The following SYNE2 variants were observed in gnomAD, a reference collection of about 807,000 sequenced individuals.
The protein encoded by SYNE2 is nesprin-2.
SYNE2 carries 431 observed loss-of-function variants against 856.3 expected under a neutral mutation model. The observed-to-expected ratio is 0.50, with a 90% confidence interval of 0.47 to 0.55. The LOEUF (loss-of-function observed/expected upper bound fraction) is 0.55, where lower values mean the gene tolerates loss of function less well. SYNE2 is among the 20% of genes least tolerant of loss of function. SYNE2 has a pLI of 0.00. For missense variants in SYNE2, 8,129 were observed against 8,023.2 expected (o/e 1.01, Z -0.50); for synonymous variants, 2,923 against 2,872.3 (o/e 1.02, Z -0.56).
At chr14:64,045,642 A>G (rs929939914) in intron 45 of SYNE2, among the ~76,000 whole-genome samples, 2 of 151,348 alleles carry the variant, frequency 1.3e-5, no homozygotes, top group African/African-American at 4.9e-5. Context: ...TTTTCGCCAC[A>G]GTGTGCCTGA....
chr14:63,940,560 A>G (rs1213102409), intron 2 of SYNE2, 54 bp from the exon 3 acceptor site: 4 of 1,523,698 alleles, frequency 2.6e-6, no homozygotes, highest in Admixed American at 1.7e-5. Context: ...TGATATGTGC[A>G]GGAGGTTTCT....
In SYNE2 at chr14:64,029,921, C is replaced by T. The variant is rs759726898; in HGVS notation, c.6741C>T (p.His2247=). The change falls in exon 44 of 116, where the codon CAC becomes CAT. Residue 2247 remains histidine, a synonymous_variant. Transcript: ENST00000555002. ...ATTCTGTGCAAAACTTGGACGGTCA[C>T]GTTCGAGAACATGATTCATACCAGG... ...LQDSVQNLDG[H]VREHDSYQVC... 10 of 1,613,834 alleles carry T rather than the reference C, an allele frequency of 6.2e-6. No individual in the cohort carries two copies. The highest frequency in any genetic ancestry group is 3.3e-5 in the Admixed American group (2 of 59,984).
rs1320976371 is a variant in SYNE2, at chr14:64,003,268, T to A, written c.4335T>A (p.Asp1445Glu). The change falls in exon 30 of 116, where the codon GAT becomes GAA. Residue 1445 changes from aspartate to glutamate, a missense_variant. Asp to Glu is a conservative substitution (Grantham distance 45). Around this residue, in one of 3 missense-constraint regions of SYNE2, gnomAD observed 2,422 missense variants for 2,357.4 expected, o/e 1.03. Transcript: ENST00000555002. ...ATGAACTCCTTAAAAATATTCAAGA[T>A]GTGCAGAGTCAAATCAGTAAAATTG... Reference protein sequence around the residue: ...KNNELLKNIQDVQSQISKIGL... With the variant: ...KNNELLKNIQEVQSQISKIGL... 1 of 1,613,892 alleles carries A rather than the reference T, an allele frequency of 6.2e-7. No homozygotes were observed. Among genetic ancestry groups the A allele is most frequent in the African/African-American group, 1.3e-5 (1 of 74,902 alleles).
chr14:64,054,993 A>G (rs2097257833), intron 48 of SYNE2, among the ~76,000 whole-genome samples: 1 of 152,228 alleles, frequency 6.6e-6, no homozygotes, highest in African/African-American at 2.4e-5. Context: ...ATTTTAATAC[A>G]GTTTCAGGAA....
chr14:64,158,562 T>A, intron 85 of SYNE2, 63 bp from the exon 86 acceptor site: 1 of 1,555,028 alleles, frequency 6.4e-7, no homozygotes, highest in Non-Finnish European at 8.9e-7. Context: ...CAATGGTAGA[T>A]CTGTTGGAGA....
rs551602725 is a variant in SYNE2 at position 64,058,724 on chromosome 14, G to A, written c.10067+2458G>A. 1.5e-4 allele frequency among the ~76,000 whole-genome samples: 23 copies of A among 152,124 alleles called. No homozygotes were observed. In the South Asian group the frequency reaches 2.1e-3, roughly 14 times the overall value. On this transcript the variant is annotated intron_variant, in intron 49 of 115. Coordinates refer to ENST00000555002, the MANE Select transcript of SYNE2 (RefSeq NM_182914.3). ...TCGAATTCCTGACCTCAAGTAATCCGCCCTCCTCTGCCACCCAAAGTGTTG... is the reference window on the plus strand; with the variant it reads ...TCGAATTCCTGACCTCAAGTAATCCACCCTCCTCTGCCACCCAAAGTGTTG...
chr14:63,845,416 CAAA>C (rs34474637), intron 1 of SYNE2, among the ~76,000 whole-genome samples: 3 of 113,298 alleles, frequency 2.6e-5, no homozygotes, highest in East Asian at 2.5e-4. Context: ...AACTCTGTCT[CAAA>C]AAAAAAAAAA....
Position 64,152,571 on chromosome 14 carries a change from A to C in SYNE2, c.15647A>C (p.Glu5216Ala). The C allele has an allele frequency of 2.5e-6, 4 of 1,614,074 alleles. No individual in the cohort carries two copies. Among genetic ancestry groups the C allele is most frequent in the Non-Finnish European group, 3.4e-6 (4 of 1,179,962 alleles). ...QKLLLDCQDIENQLAIKSKAL... is the reference protein window; with the variant it reads ...QKLLLDCQDIANQLAIKSKAL... ...TTCCTCTTACTCTTCCAGGATATAG[A>C]AAATCAACTTGCAATTAAATCCAAA... The change falls in exon 85 of 116, where the codon GAA (glutamate) becomes GCA (alanine). Residue 5216 changes from glutamate (E) to alanine (A), a missense_variant. Physicochemically the swap from Glu to Ala is moderately radical, Grantham distance 107. This residue lies in a region of SYNE2 where 5,410 missense variants were observed against 5,284.8 expected (regional missense o/e 1.02). Coordinates refer to ENST00000555002, the MANE Select transcript of SYNE2 (RefSeq NM_182914.3).
intron 30 of SYNE2, among the ~76,000 whole-genome samples, chr14:64,004,797 C>G (rs1482870998): frequency 6.6e-6 from 1 of 152,178 alleles, no homozygotes; most frequent in Non-Finnish European, 1.5e-5. Flanking sequence ...ATGATACTTT[C>G]ATTCTTAGGG....
chr14:64,186,664 T>G, intron 97 of SYNE2, 85 bp downstream of exon 97: 1 of 1,589,444 alleles, frequency 6.3e-7, no homozygotes, highest in East Asian at 2.2e-5. Flanking sequence ...AGGAGCTTAA[T>G]TTCATTGAAC....
intron 10 of SYNE2, among the ~76,000 whole-genome samples, chr14:63,964,743 C>T (rs1236254012): frequency 1.3e-5 from 2 of 151,714 alleles, no homozygotes; most frequent in Non-Finnish European, 2.9e-5. Flanking sequence ...AGGCTGGTCT[C>T]GAACTCCTGA....
chr14:63,999,049 CA>C lies in SYNE2; in HGVS notation c.3480+14del. 1 of 1,612,054 alleles carries C rather than the reference CA, an allele frequency of 6.2e-7. No homozygotes were observed. Among genetic ancestry groups the C allele is most frequent in the South Asian group, 1.1e-5 (1 of 91,004 alleles). On this transcript the variant is annotated intron_variant, in intron 27 of 115. Transcript: ENST00000555002. ...AACTGACAGATCTACAGGTAATTAC[CA>C]AAAATATTATTTCTCTGATTATCTT...
chr14:64,154,541 C>T (rs894852388), intron 85 of SYNE2, among the ~76,000 whole-genome samples: 3 of 151,918 alleles, frequency 2.0e-5, no homozygotes, highest in African/African-American at 4.8e-5. Flanking sequence ...GCCTGTAATC[C>T]CAGCACTTTG....
intron 78 of SYNE2, among the ~76,000 whole-genome samples, chr14:64,134,425 C>T (rs939741999): frequency 7.9e-5 from 12 of 152,242 alleles, no homozygotes; most frequent in Admixed American, 5.2e-4. Context: ...GTCGTGGCTC[C>T]ATCACTTATC....
chr14:63,984,378 C>G (rs1028659449), intron 18 of SYNE2, among the ~76,000 whole-genome samples: 9 of 152,180 alleles, frequency 5.9e-5, no homozygotes, highest in African/African-American at 2.2e-4. Context: ...GAAAGTCTTA[C>G]TTATTACACT....
chr14:64,035,173 G>A (rs1315765882), intron 45 of SYNE2, among the ~76,000 whole-genome samples: 1 of 151,798 alleles, frequency 6.6e-6, no homozygotes, highest in African/African-American at 2.4e-5. Context: ...GTTTAAGAAG[G>A]CATTTGTAGA....
At chr14:64,069,606 A>G (rs2097387282) in intron 51 of SYNE2, among the ~76,000 whole-genome samples, 1 of 152,208 alleles carries the variant, frequency 6.6e-6, no homozygotes, top group Admixed American at 6.5e-5. Context: ...CAAGGATAGC[A>G]TATACTGCCT....
intron 9 of SYNE2, among the ~76,000 whole-genome samples, chr14:63,963,196 T>C (rs2096344888): frequency 6.6e-6 from 1 of 152,186 alleles, no homozygotes; most frequent in African/African-American, 2.4e-5. Context: ...GGTTCACTTA[T>C]TTCTGGCCTG....
chr14:63,955,815 A>G (rs1012075525), intron 8 of SYNE2, among the ~76,000 whole-genome samples: 20 of 152,156 alleles, frequency 1.3e-4, no homozygotes, highest in African/African-American at 4.8e-4. Context: ...GCTTCTGTTC[A>G]TTTTTGCCAA....
Sources: gnomAD v4.1 joint callset for allele counts (sites outside exome capture counted in the v4.1 genomes callset) on GRCh38, gnomAD v4.1.1 for gene constraint, gnomAD v4.1.1 regional missense constraint, MANE v1.5 for transcripts, NCBI Gene and HGNC (gene_info 2026-07-23, HGNC 2026-07-21) for gene names.